The following DACH2 variants were observed in gnomAD, a reference collection of about 807,000 sequenced individuals.
The protein encoded by DACH2 is dachshund family transcription factor 2.
DACH2 carries 17 observed loss-of-function variants against 35.8 expected under a neutral mutation model. The ratio of observed to expected loss-of-function variants is 0.48; its 90% confidence interval spans 0.33 to 0.71. The LOEUF (loss-of-function observed/expected upper bound fraction) is 0.71, where lower values mean the gene tolerates loss of function less well. Among genes scored for constraint, DACH2 ranks in the 30% least tolerant of loss-of-function variants. The pLI is 0.02. For synonymous variants in DACH2, 195 were observed against 177.3 expected, an observed-to-expected ratio of 1.10 and a Z score of -0.79; for missense variants, 469 against 472.7, an observed-to-expected ratio of 0.99 and a Z score of 0.07.
At chrX:86,489,038 A>G (rs1341995920) in intron 2 of DACH2, among the ~76,000 whole-genome samples, 2 of 111,812 alleles carry the variant, frequency 1.8e-5, no homozygotes, top group Non-Finnish European at 3.8e-5. Flanking sequence ...GTAATCCAGC[A>G]TGATACTTTA....
At chrX:86,503,216 C>T (rs991479291) in intron 2 of DACH2, among the ~76,000 whole-genome samples, 3 of 111,510 alleles carry the variant, frequency 2.7e-5, no homozygotes, top group African/African-American at 9.8e-5. Context: ...GGCATTGAAC[C>T]GTGAATGTAA....
intron 1 of DACH2, among the ~76,000 whole-genome samples, chrX:86,283,867 T>C (rs985361400): frequency 4.7e-5 from 3 of 63,925 alleles, no homozygotes; most frequent in East Asian, 1.1e-3. Flanking sequence ...GAACTTAAAG[T>C]ATATACACAC....
At chrX:86,320,831 G>T (rs1162101311) in intron 1 of DACH2, among the ~76,000 whole-genome samples, 1 of 112,135 alleles carries the variant, frequency 8.9e-6, no homozygotes, top group Non-Finnish European at 1.9e-5. Context: ...AAGACTGAGG[G>T]CTGGTATTTT....
intron 1 of DACH2, among the ~76,000 whole-genome samples, chrX:86,251,842 T>G (rs1432074561): frequency 9.0e-6 from 1 of 111,723 alleles, no homozygotes; most frequent in Non-Finnish European, 1.9e-5. Context: ...CTTATTTTCC[T>G]CTGGATGGGT....
At chrX:86,185,403 G>A (rs945367558) in intron 1 of DACH2, among the ~76,000 whole-genome samples, 29 of 111,393 alleles carry the variant, frequency 2.6e-4, no homozygotes, top group African/African-American at 7.8e-4. Flanking sequence ...TCCATGTAGG[G>A]GTAGGGAATC....
At chrX:86,266,471 G>A (rs756678978) in intron 1 of DACH2, among the ~76,000 whole-genome samples, 33 of 111,724 alleles carry the variant, frequency 3.0e-4, no homozygotes, top group Non-Finnish European at 4.9e-4. Context: ...CAAAACTGAC[G>A]TTCTAAAAAC....
chrX:86,158,806 A>G (rs2030645528), intron 1 of DACH2, among the ~76,000 whole-genome samples: 1 of 111,648 alleles, frequency 9.0e-6, no homozygotes, highest in Non-Finnish European at 1.9e-5. Context: ...TATCTGCCTC[A>G]TGCATTATAT....
chrX:86,289,902 A>G (rs2034240876), intron 1 of DACH2, among the ~76,000 whole-genome samples: 1 of 108,642 alleles, frequency 9.2e-6, no homozygotes, highest in East Asian at 2.9e-4. Context: ...GTGTCTTTAT[A>G]GCAGCATGAT....
intron 4 of DACH2, among the ~76,000 whole-genome samples, chrX:86,688,843 A>G (rs1466487020): frequency 8.9e-6 from 1 of 112,327 alleles, no homozygotes; most frequent in East Asian, 2.8e-4. Flanking sequence ...GTACTTCCCA[A>G]TATGATAGTC....
intron 7 of DACH2, among the ~76,000 whole-genome samples, chrX:86,805,375 G>C (rs1321215559): frequency 1.8e-5 from 2 of 112,522 alleles, no homozygotes; most frequent in Admixed American, 1.9e-4. Flanking sequence ...TGTGGCCCTG[G>C]GCCTGGCCCA....
intron 3 of DACH2, among the ~76,000 whole-genome samples, chrX:86,618,065 G>A (rs185444905): frequency 9.0e-4 from 101 of 111,648 alleles, no homozygotes; most frequent in African/African-American, 3.1e-3. Context: ...TGCTTGAGAC[G>A]AGGAGTTTGG....
At chrX:86,242,040 A>G (rs111511779) in intron 1 of DACH2, among the ~76,000 whole-genome samples, 1,428 of 112,984 alleles carry the variant, frequency 0.013, 21 homozygotes, top group African/African-American at 0.043. Context: ...CCTCTACTAC[A>G]GCAATGCAGA....
chrX:86,216,128 T>A, intron 1 of DACH2, among the ~76,000 whole-genome samples: 1 of 112,281 alleles, frequency 8.9e-6, no homozygotes, highest in Non-Finnish European at 1.9e-5. Flanking sequence ...TTTGATACAA[T>A]ATTTAATTGA....
rs60153005 is a variant in DACH2, at chrX:86,202,593, TC to T, written c.488+53488del. Among the ~76,000 whole-genome samples the T allele has an allele frequency of 5.6e-3, 612 of 109,306 alleles. 2 individuals carry two copies. The highest frequency in any genetic ancestry group is 0.021 in the African/African-American group (595 of 28,821). 94.9% of individuals were successfully genotyped at this position (109,306 alleles called of 115,157 possible). ...TGCCTGGGGAACTAGCTTGAGAAGA[TC>T]CCAGAGAAGTTGGCTACGCTTAAGT... On this transcript the variant is annotated intron_variant, in intron 1 of 11. Transcript: ENST00000373125.
At chrX:86,355,997 G>T (rs763632091) in intron 1 of DACH2, among the ~76,000 whole-genome samples, 6 of 110,405 alleles carry the variant, frequency 5.4e-5, no homozygotes, top group Admixed American at 9.7e-5. Context: ...TTACTCTGTT[G>T]ATAGGTTTTT....
intron 2 of DACH2, among the ~76,000 whole-genome samples, chrX:86,442,041 A>AT (rs1332653519): frequency 5.5e-5 from 6 of 109,338 alleles, no homozygotes; most frequent in Non-Finnish European, 7.6e-5. Context: ...TCCTTTTAAC[A>AT]TTTTTTTGTG....
At chrX:86,697,877 C>A (rs988353302) in intron 5 of DACH2, among the ~76,000 whole-genome samples, 5 of 110,677 alleles carry the variant, frequency 4.5e-5, no homozygotes, top group African/African-American at 1.6e-4. Flanking sequence ...AACTGTGTGA[C>A]AAAGAGAAGA....
chrX:86,758,181 C>G (rs929893382), intron 7 of DACH2, among the ~76,000 whole-genome samples: 1 of 111,195 alleles, frequency 9.0e-6, no homozygotes, highest in Non-Finnish European at 1.9e-5. Flanking sequence ...AGTGGTTTAT[C>G]AATTTTATCA....
At chrX:86,341,557 A>G (rs1008003489) in intron 1 of DACH2, among the ~76,000 whole-genome samples, 2 of 112,364 alleles carry the variant, frequency 1.8e-5, no homozygotes, top group Non-Finnish European at 3.8e-5. Flanking sequence ...TCTGCAGCCC[A>G]TGGATCAAGG....
Sources: gnomAD v4.1 joint callset for allele counts (sites outside exome capture counted in the v4.1 genomes callset) on GRCh38, gnomAD v4.1.1 for gene constraint, MANE v1.5 for transcripts, NCBI Gene and HGNC (gene_info 2026-07-23, HGNC 2026-07-21) for gene names.